Variants in ADAMTSL1 observed in about 807,000 individuals in gnomAD.
ADAMTSL1 encodes the protein ADAMTS-like protein 1.
Under a neutral mutation model 201.8 loss-of-function variants are expected in ADAMTSL1, and 126 were observed. The ratio of observed to expected loss-of-function variants is 0.62; its 90% CI spans 0.54 to 0.72. The LOEUF (loss-of-function observed/expected upper bound fraction) is 0.72. Ranked by LOEUF, ADAMTSL1 falls within the 30% of genes least tolerant of loss-of-function variation. The pLI is 0.00. For missense variants in ADAMTSL1, 2,679 were observed against 2,277.8 expected (o/e 1.18, Z -3.59); for synonymous variants, 1,121 against 903.4 (o/e 1.24, Z -4.32).
intron 20 of ADAMTSL1, among the ~76,000 whole-genome samples, chr9:18,798,912 C>T (rs966966568): frequency 6.6e-6 from 1 of 152,180 alleles, no homozygotes; most frequent in African/African-American, 2.4e-5. Context: ...CCTTGCTCTG[C>T]CCTGTTTGGC....
intron 1 of ADAMTSL1, among the ~76,000 whole-genome samples, chr9:18,020,654 C>T (rs1015146347): frequency 6.6e-6 from 1 of 152,062 alleles, no homozygotes; most frequent in Non-Finnish European, 1.5e-5. Context: ...AGGTCTCTCC[C>T]TAAACGCCTG....
At chr9:18,457,456 T>A (rs1820649155) in intron 2 of ADAMTSL1, among the ~76,000 whole-genome samples, 1 of 152,188 alleles carries the variant, frequency 6.6e-6, no homozygotes, top group Non-Finnish European at 1.5e-5. Flanking sequence ...CTCAGCCTTC[T>A]GAGTGGCTGG....
At chr9:18,366,647 T>C (rs1223135482) in intron 2 of ADAMTSL1, among the ~76,000 whole-genome samples, 1 of 125,870 alleles carries the variant, frequency 7.9e-6, no homozygotes, top group Non-Finnish European at 1.6e-5. Flanking sequence ...TTTTTTTTTT[T>C]TTTTTTTTTT....
At chr9:18,212,961 G>A (rs1563811641) in intron 2 of ADAMTSL1, among the ~76,000 whole-genome samples, 1 of 152,106 alleles carries the variant, frequency 6.6e-6, no homozygotes, top group Non-Finnish European at 1.5e-5. Context: ...TGTCCTAAAT[G>A]CAAATTACTA....
At chr9:18,391,058 C>A (rs1227929587) in intron 2 of ADAMTSL1, among the ~76,000 whole-genome samples, 1 of 152,164 alleles carries the variant, frequency 6.6e-6, no homozygotes, top group Non-Finnish European at 1.5e-5. Context: ...TCTTGGCAGT[C>A]ATGAGTGAGA....
At chr9:18,544,098 G>A (rs1043369560) in intron 3 of ADAMTSL1, among the ~76,000 whole-genome samples, 2 of 152,174 alleles carry the variant, frequency 1.3e-5, no homozygotes, top group South Asian at 2.1e-4. Context: ...TCAACTTCTC[G>A]TAGCCTCAGT....
At chr9:18,853,957 A>G (rs1477672665) in intron 23 of ADAMTSL1, among the ~76,000 whole-genome samples, 1 of 151,222 alleles carries the variant, frequency 6.6e-6, no homozygotes, top group Non-Finnish European at 1.5e-5. Flanking sequence ...TAGAATCAAA[A>G]TACACGCAGG....
chr9:18,762,526 G>GT (rs551346535), intron 16 of ADAMTSL1, among the ~76,000 whole-genome samples: 4 of 151,902 alleles, frequency 2.6e-5, no homozygotes, highest in South Asian at 2.1e-4. Context: ...CTCTTTTTAA[G>GT]TTTTTTTTAA....
intron 1 of ADAMTSL1, among the ~76,000 whole-genome samples, chr9:17,930,873 T>C (rs1563902641): frequency 6.6e-6 from 1 of 152,172 alleles, no homozygotes; most frequent in African/African-American, 2.4e-5. Flanking sequence ...TGTAGCTGTA[T>C]TCATAATATG....
At chr9:17,939,640 A>AT (rs1411165187) in intron 1 of ADAMTSL1, among the ~76,000 whole-genome samples, 1 of 151,942 alleles carries the variant, frequency 6.6e-6, no homozygotes, top group African/African-American at 2.4e-5. Context: ...TGGGATTTTA[A>AT]TTTTTTCAGC....
intron 2 of ADAMTSL1, among the ~76,000 whole-genome samples, chr9:18,186,571 C>T (rs540139509): frequency 1.3e-5 from 2 of 151,986 alleles, no homozygotes; most frequent in South Asian, 4.2e-4. Context: ...CATTTCAGTC[C>T]CTTTGACAGA....
chr9:17,944,396 A>C (rs1827368881), intron 1 of ADAMTSL1, among the ~76,000 whole-genome samples: 1 of 152,198 alleles, frequency 6.6e-6, no homozygotes, highest in Admixed American at 6.5e-5. Flanking sequence ...TGCCCAAGGT[A>C]ATTTATAGAT....
chr9:18,227,744 C>A lies in ADAMTSL1; in HGVS notation c.207+63763C>A, dbSNP rs1293718045. Among the ~76,000 whole-genome samples the A allele has an allele frequency of 1.3e-5, 2 of 152,182 alleles. 1 individual carries two copies. Among genetic ancestry groups the A allele is most frequent in the Non-Finnish European group, 2.9e-5 (2 of 68,038 alleles). ...TCCCTAGCACCCCCAGTAGCCTGAT[C>A]ACTATCTCCTCAACTCCCCTAGTGC... On this transcript the variant is annotated intron_variant, in intron 2 of 29. Transcript: ENST00000680146.
At chr9:18,599,595 C>G (rs1209752775) in intron 4 of ADAMTSL1, among the ~76,000 whole-genome samples, 1 of 152,098 alleles carries the variant, frequency 6.6e-6, no homozygotes, top group Admixed American at 6.6e-5. Flanking sequence ...GTAGTAGTCT[C>G]CAAGTTTCTC....
At chr9:18,533,396 CTG>C in intron 3 of ADAMTSL1, 104 bp downstream of exon 3, 1 of 912,292 alleles carries the variant, frequency 1.1e-6, no homozygotes, top group Non-Finnish European at 1.7e-6. Context: ...TAGTATTTCA[CTG>C]AGAGTTTTTA....
chr9:17,964,840 A>T (rs188250105), intron 1 of ADAMTSL1, among the ~76,000 whole-genome samples: 1 of 152,254 alleles, frequency 6.6e-6, no homozygotes, highest in East Asian at 1.9e-4. Flanking sequence ...TAAAAACAAC[A>T]TTTAAGCATT....
chr9:18,170,273 T>C (rs1827830749), intron 2 of ADAMTSL1, among the ~76,000 whole-genome samples: 1 of 152,018 alleles, frequency 6.6e-6, no homozygotes, highest in Non-Finnish European at 1.5e-5. Context: ...ATTTCTACAT[T>C]TTTATGGAAA....
Position 18,289,135 on chromosome 9 carries a change from GTCTATCTATCTA to G in ADAMTSL1, c.207+125183_207+125194del, listed in dbSNP as rs10622385. Among the ~76,000 whole-genome samples the G allele has an allele frequency of 1.5e-3, 216 of 145,304 alleles. No individual in the cohort carries two copies. The South Asian group carries it at 0.022, about 15-fold the overall frequency. On this transcript the variant is annotated intron_variant, in intron 2 of 29. Transcript: ENST00000680146. ...ATCTTATTGGTGTATATATATGTCT[GTCTATCTATCTA>G]TCTATCTATCTATCTATCTATCTAT...
intron 2 of ADAMTSL1, among the ~76,000 whole-genome samples, chr9:18,280,890 T>TG (rs1832760850): frequency 6.6e-6 from 1 of 151,022 alleles, no homozygotes; most frequent in African/African-American, 2.4e-5. Flanking sequence ...TTTTTTTTTT[T>TG]CCTGAGACAA....
Sources: gnomAD v4.1 joint callset for allele counts (sites outside exome capture counted in the v4.1 genomes callset) on GRCh38, gnomAD v4.1.1 for gene constraint, MANE v1.5 for transcripts, NCBI Gene and HGNC (gene_info 2026-07-23, HGNC 2026-07-21) for gene names.